FAM110B: variants seen among roughly 807,000 people sequenced by gnomAD.
The protein encoded by FAM110B is family with sequence similarity 110 member B, also known as protein FAM110B.
A neutral mutation model predicts 20.4 loss-of-function variants in FAM110B; 6 were observed. That is an observed-to-expected ratio of 0.29 (90% CI 0.16 to 0.58). The LOEUF is 0.58. Ranked by LOEUF, FAM110B falls within the 20% of genes least tolerant of loss-of-function variation. The pLI, the probability that FAM110B is intolerant of heterozygous loss-of-function variation, is 0.90. For synonymous variants in FAM110B, 226 were observed against 214.1 expected (o/e 1.06, Z -0.49); for missense variants, 434 against 498.2 (o/e 0.87, Z 1.23).
chr8:58,066,727 G>A (rs187362080), intron 2 of FAM110B, among the ~76,000 whole-genome samples: 20 of 152,204 alleles, frequency 1.3e-4, no homozygotes, highest in South Asian at 2.1e-4. Flanking sequence ...CCTGGCTTGC[G>A]TTGACTAGGG....
intron 3 of FAM110B, among the ~76,000 whole-genome samples, chr8:58,124,378 G>A (rs1462122849): frequency 6.6e-6 from 1 of 152,194 alleles, no homozygotes; most frequent in Non-Finnish European, 1.5e-5. Context: ...CAATTCTTGG[G>A]TTGCACTGTC....
At chr8:58,121,054 C>T (rs1807347271) in intron 3 of FAM110B, among the ~76,000 whole-genome samples, 1 of 152,208 alleles carries the variant, frequency 6.6e-6, no homozygotes, top group Non-Finnish European at 1.5e-5. Flanking sequence ...GGAGCTTGCT[C>T]AGTTCCAGTG....
chr8:58,082,702 G>A (rs1164785186), intron 3 of FAM110B, among the ~76,000 whole-genome samples: 2 of 152,120 alleles, frequency 1.3e-5, no homozygotes, highest in Non-Finnish European at 2.9e-5. Context: ...GTGGGGCTGG[G>A]CACAGTGGCT....
intron 1 of FAM110B, among the ~76,000 whole-genome samples, chr8:58,012,660 A>G (rs1256047158): frequency 6.6e-6 from 1 of 152,222 alleles, no homozygotes; most frequent in Non-Finnish European, 1.5e-5. Context: ...GGTGGCAGAC[A>G]GCCCTTTCAG....
intron 2 of FAM110B, among the ~76,000 whole-genome samples, chr8:58,058,930 A>T (rs550713713): frequency 1.3e-5 from 2 of 152,208 alleles, no homozygotes; most frequent in Admixed American, 1.3e-4. Context: ...TCATCATCCC[A>T]GCAAATTCTC....
At chr8:58,017,513 T>C (rs568387681) in intron 1 of FAM110B, among the ~76,000 whole-genome samples, 1 of 152,328 alleles carries the variant, frequency 6.6e-6, no homozygotes, top group Non-Finnish European at 1.5e-5. Flanking sequence ...AGCTTAGCTT[T>C]GCTCTCAACT....
intron 1 of FAM110B, among the ~76,000 whole-genome samples, chr8:58,027,854 G>A (rs530118436): frequency 7.2e-5 from 11 of 152,156 alleles, no homozygotes; most frequent in Admixed American, 3.3e-4. Context: ...GATGATGGAC[G>A]TTTGGATTCT....
intron 2 of FAM110B, among the ~76,000 whole-genome samples, chr8:58,050,263 G>A (rs1405393136): frequency 6.6e-6 from 1 of 151,964 alleles, no homozygotes; most frequent in African/African-American, 2.4e-5. Context: ...AGTGCTGTGA[G>A]ATACTTTTAG....
At chr8:57,997,746 A>G (rs1479642142) in intron 1 of FAM110B, among the ~76,000 whole-genome samples, 1 of 152,240 alleles carries the variant, frequency 6.6e-6, no homozygotes, top group Non-Finnish European at 1.5e-5. Context: ...CACCAAGGCT[A>G]GAAATCTAGT....
At chr8:58,011,122 A>G (rs1266507840) in intron 1 of FAM110B, among the ~76,000 whole-genome samples, 1 of 152,162 alleles carries the variant, frequency 6.6e-6, no homozygotes, top group East Asian at 1.9e-4. Flanking sequence ...GCTCTTTACA[A>G]TCGAGGAGGT....
chr8:57,998,864 C>A (rs1251164850), intron 1 of FAM110B, among the ~76,000 whole-genome samples: 1 of 152,132 alleles, frequency 6.6e-6, no homozygotes, highest in Non-Finnish European at 1.5e-5. Context: ...TCTGAATGAT[C>A]CTTTTGTAAT....
At chr8:58,125,565 G>T (rs1466668447) in intron 3 of FAM110B, among the ~76,000 whole-genome samples, 1 of 152,082 alleles carries the variant, frequency 6.6e-6, no homozygotes, top group African/African-American at 2.4e-5. Context: ...TGTTCAAAAA[G>T]AGACTTCATT....
intron 1 of FAM110B, among the ~76,000 whole-genome samples, chr8:57,997,086 C>T (rs988600428): frequency 1.3e-5 from 2 of 152,100 alleles, no homozygotes; most frequent in Admixed American, 6.6e-5. Flanking sequence ...CTTAGCTAAG[C>T]GAAGGCATGG....
At chr8:58,009,908 G>T (rs1295611067) in intron 1 of FAM110B, among the ~76,000 whole-genome samples, 1 of 152,086 alleles carries the variant, frequency 6.6e-6, no homozygotes, top group Non-Finnish European at 1.5e-5. Context: ...GAACACTTCT[G>T]TAGGTTTATA....
chr8:58,107,496 A>G (rs1806948281), intron 3 of FAM110B, among the ~76,000 whole-genome samples: 1 of 152,214 alleles, frequency 6.6e-6, no homozygotes, highest in Non-Finnish European at 1.5e-5. Context: ...TAAGTCAACA[A>G]GCTGTGGGAT....
Position 58,147,011 on chromosome 8 carries a change from T to G in FAM110B, c.781T>G (p.Ser261Ala). The change falls in exon 4 of 4, where the codon TCA (serine) becomes GCA (alanine). Residue 261 changes from serine to alanine, a missense_variant. Physicochemically the swap from Ser to Ala is moderately conservative, Grantham distance 99 (BLOSUM62 1). This residue lies in a region of FAM110B where 284 missense variants were observed against 278.3 expected (regional missense o/e 1.02). Coordinates refer to ENST00000519262, the MANE Select transcript of FAM110B (RefSeq NM_001377989.1). ...AAGACCCTCCCTCCAGCGGTCTAAG[T>G]CAGACTTGAGTGACAGATATTTCCG... The part of the protein sequence containing the change: ...SRRPSLQRSK[S>A]DLSDRYFRVD... The G allele has an allele frequency of 1.2e-6, 2 of 1,614,132 alleles. No individual in the cohort carries two copies. Among genetic ancestry groups the G allele is most frequent in the Non-Finnish European group, 1.7e-6 (2 of 1,180,026 alleles).
chr8:58,128,208 A>G (rs767117966), intron 3 of FAM110B, among the ~76,000 whole-genome samples: 9 of 152,116 alleles, frequency 5.9e-5, no homozygotes, highest in Non-Finnish European at 1.0e-4. Flanking sequence ...GGAAAAGGGA[A>G]TCACACAAAT....
At chr8:58,047,786 T>A (rs1239948909) in intron 2 of FAM110B, among the ~76,000 whole-genome samples, 1 of 152,184 alleles carries the variant, frequency 6.6e-6, no homozygotes, top group Non-Finnish European at 1.5e-5. Context: ...TTTTCTGGGC[T>A]ATTCAGTGTG....
chr8:57,996,902 A>G (rs1360328613), intron 1 of FAM110B, among the ~76,000 whole-genome samples: 1 of 152,188 alleles, frequency 6.6e-6, no homozygotes, highest in African/African-American at 2.4e-5. Context: ...CTAACTAGCT[A>G]AGATAAGAAA....
Sources: allele counts gnomAD v4.1 joint callset (sites outside exome capture counted in the v4.1 genomes callset), GRCh38; gene constraint gnomAD v4.1.1; regional missense constraint gnomAD v4.1.1; transcripts MANE v1.5; gene names NCBI Gene and HGNC (gene_info 2026-07-23, HGNC 2026-07-21).